Variants in SPIRE1 observed in about 807,000 individuals in gnomAD.
SPIRE1 encodes spire type actin nucleation factor 1.
In SPIRE1, 40 loss-of-function variants were observed where a neutral mutation model predicts 94.1. The ratio of observed to expected loss-of-function variants is 0.43; its 90% CI spans 0.33 to 0.55. The LOEUF is 0.55. Among genes scored for constraint, SPIRE1 ranks in the 20% least tolerant of loss-of-function variants. SPIRE1 has a pLI of 0.06. For synonymous variants in SPIRE1, 376 were observed against 371.7 expected (o/e 1.01, Z -0.13); for missense variants, 838 against 975.2 (o/e 0.86, Z 1.87).
intron 1 of SPIRE1, among the ~76,000 whole-genome samples, chr18:12,638,471 C>T (rs915026699): frequency 1.3e-5 from 2 of 152,142 alleles, no homozygotes; most frequent in African/African-American, 4.8e-5. Context: ...TAATTAAAAA[C>T]AGATGAGTAA....
chr18:12,473,024 A>G (rs2143694954), intron 10 of SPIRE1, among the ~76,000 whole-genome samples: 1 of 152,224 alleles, frequency 6.6e-6, no homozygotes, highest in Admixed American at 6.5e-5. Context: ...TAAACTTCTG[A>G]ACTCAAGTGA....
chr18:12,638,003 G>GTC (rs1233754738), intron 1 of SPIRE1, among the ~76,000 whole-genome samples: 1 of 152,304 alleles, frequency 6.6e-6, no homozygotes, highest in African/African-American at 2.4e-5. Flanking sequence ...TGAAAAGGCT[G>GTC]TAAGTACAAA....
rs1027516667 is a variant in SPIRE1, at chr18:12,474,126, C to T, written c.1404+5573G>A. On this transcript the variant is annotated intron_variant, in intron 10 of 16. Transcript: ENST00000409402. Reference sequence around the variant, plus strand: ...TAAGTTAACAGGTGAAATTTACATACACGTGACAGCATTTCCTATATCAAG... The same window carrying T: ...TAAGTTAACAGGTGAAATTTACATATACGTGACAGCATTTCCTATATCAAG... Among the ~76,000 whole-genome samples, 4 of 152,196 alleles carry T rather than the reference C, an allele frequency of 2.6e-5. No individual in the cohort carries two copies. In the South Asian group the frequency reaches 8.3e-4, roughly 31 times the overall value.
intron 2 of SPIRE1, among the ~76,000 whole-genome samples, chr18:12,612,441 C>T (rs28663159): frequency 0.083 from 12,572 of 152,196 alleles, 649 homozygotes; most frequent in Middle Eastern, 0.16. Context: ...CTTTCCTCTT[C>T]TCTATTTACC....
intron 5 of SPIRE1, among the ~76,000 whole-genome samples, chr18:12,510,803 G>C (rs937827476): frequency 6.6e-6 from 1 of 152,034 alleles, no homozygotes; most frequent in Admixed American, 6.6e-5. Context: ...GCCTCCCAAA[G>C]TGCTGGGATT....
rs1467181975 is a variant in SPIRE1, at chr18:12,638,096, C to T, written c.338-3000G>A. On this transcript the variant is annotated intron_variant, in intron 1 of 16. Transcript: ENST00000409402. ...GAATCCAAAAATCCCAATCACATGA[C>T]ATCAGAGCTTAAAGGGATCTTGGAA... Among the ~76,000 whole-genome samples the T allele has an allele frequency of 5.3e-5, 8 of 152,258 alleles. No homozygotes were observed. In the East Asian group the frequency reaches 1.5e-3, roughly 29 times the overall value.
chr18:12,501,573 G>A (rs185652919), intron 6 of SPIRE1, among the ~76,000 whole-genome samples: 2 of 152,208 alleles, frequency 1.3e-5, no homozygotes, highest in South Asian at 2.1e-4. Flanking sequence ...TAATAGAGAC[G>A]GGGTTTGACC....
chr18:12,650,863 C>A (rs868678248), intron 1 of SPIRE1, among the ~76,000 whole-genome samples: 2 of 140,836 alleles, frequency 1.4e-5, no homozygotes, highest in South Asian at 2.2e-4. Context: ...GGTGACAAAG[C>A]GAGACCCTGT....
At chr18:12,616,136 C>T (rs2037301181) in intron 2 of SPIRE1, among the ~76,000 whole-genome samples, 1 of 152,204 alleles carries the variant, frequency 6.6e-6, no homozygotes, top group South Asian at 2.1e-4. Context: ...CTTCTACCTT[C>T]TAAGCATTCT....
chr18:12,615,333 A>AAAAAAAAAAAAAAAAAAAAT (rs1355794228), intron 2 of SPIRE1, among the ~76,000 whole-genome samples: 1 of 43,244 alleles, frequency 2.3e-5, no homozygotes, highest in Non-Finnish European at 6.8e-5. Context: ...GTCTCAAAAA[A>AAAAAAAAAAAAAAAAAAAAT]AAAAAAAAAA....
chr18:12,631,080 T>C (rs937391257), intron 2 of SPIRE1, among the ~76,000 whole-genome samples: 4 of 152,044 alleles, frequency 2.6e-5, no homozygotes, highest in Admixed American at 2.6e-4. Flanking sequence ...CCCACAACTC[T>C]AGTTTCCTCC....
intron 6 of SPIRE1, among the ~76,000 whole-genome samples, chr18:12,505,451 C>G (rs1464783282): frequency 6.6e-6 from 1 of 151,480 alleles, no homozygotes; most frequent in Non-Finnish European, 1.5e-5. Flanking sequence ...ACTCAGGAGG[C>G]TGAGGTGGGA....
At chr18:12,552,316 TAA>T (rs1276466358) in intron 2 of SPIRE1, among the ~76,000 whole-genome samples, 5 of 152,150 alleles carry the variant, frequency 3.3e-5, no homozygotes, top group Non-Finnish European at 7.3e-5. Context: ...CCAGGATGGC[TAA>T]AAGAGTACTT....
chr18:12,643,065 CTATG>C (rs2038128653), intron 1 of SPIRE1, among the ~76,000 whole-genome samples: 2 of 151,808 alleles, frequency 1.3e-5, no homozygotes, highest in Non-Finnish European at 2.9e-5. Flanking sequence ...TATTTCTTGA[CTATG>C]TATAGTATAT....
intron 16 of SPIRE1, chr18:12,450,947 G>T (rs991182688): frequency 1.6e-6 from 1 of 641,710 alleles, no homozygotes; most frequent in African/African-American, 1.8e-5. Context: ...GTTTGATGGA[G>T]AAAAGGGTCC....
At chr18:12,493,344 T>A in intron 7 of SPIRE1, 143 bp from the exon 8 acceptor site, 1 of 761,270 alleles carries the variant, frequency 1.3e-6, no homozygotes, top group Non-Finnish European at 2.0e-6. Flanking sequence ...CATTAAATAT[T>A]AAGGTTCCTA....
chr18:12,506,591 A>G lies in SPIRE1; in HGVS notation c.858T>C (p.Leu286=), dbSNP rs1018878228. 3.1e-6 allele frequency: 5 copies of G among 1,614,078 alleles called. No homozygotes were observed. In the Admixed American group the frequency reaches 8.3e-5, roughly 27 times the overall value. Residue 286 remains leucine (L), a synonymous_variant, in exon 6 of 17, where the codon CTT becomes CTC. Coordinates refer to ENST00000409402, the MANE Select transcript of SPIRE1 (RefSeq NM_001128626.2). ...VMRDLRNGVK[L]KKVQERQYNP... ...TGTACTGCCGCTCTTGGACCTTCTT[A>G]AGTTTTACCCCATTCCTCAAATCCC...
chr18:12,549,439 G>GTTTTTTTTT lies in SPIRE1; in HGVS notation c.373-2544_373-2536dup, dbSNP rs869122444. On this transcript the variant is annotated intron_variant, in intron 2 of 16. Transcript: ENST00000409402. ...CTTTTTGTTTGTTTTTGTTATTGTTGTTTTTTTTTTTTTTTTTTTTTTTTT... is the reference window on the plus strand; with the variant it reads ...CTTTTTGTTTGTTTTTGTTATTGTTGTTTTTTTTTTTTTTTTTTTTTTTTTTTTTTTTTT... Among the ~76,000 whole-genome samples, 194 of 41,250 alleles carry GTTTTTTTTT rather than the reference G, an allele frequency of 4.7e-3. 19 individuals are homozygous for GTTTTTTTTT. Among genetic ancestry groups the GTTTTTTTTT allele is most frequent in the Non-Finnish European group, 5.4e-3 (140 of 25,942 alleles). The allele number at this position is 41,250 out of a possible 152,430, so 27.1% of individuals were successfully genotyped here. A position where few individuals can be genotyped will look rare whatever the true frequency, so the allele number is the denominator to read the frequency against.
chr18:12,483,384 T>C (rs983419478), intron 9 of SPIRE1, among the ~76,000 whole-genome samples: 2 of 151,942 alleles, frequency 1.3e-5, no homozygotes, highest in Admixed American at 1.3e-4. Flanking sequence ...TTCTTGTACA[T>C]AAGATGGCAT....
Sources: gnomAD v4.1 joint callset for allele counts (sites outside exome capture counted in the v4.1 genomes callset) on GRCh38, gnomAD v4.1.1 for gene constraint, MANE v1.5 for transcripts, NCBI Gene and HGNC (gene_info 2026-07-23, HGNC 2026-07-21) for gene names.